The following MON2 variants were observed in gnomAD, a reference collection of about 807,000 sequenced individuals.
MON2 encodes the protein protein MON2 homolog.
Under a neutral mutation model 208.6 loss-of-function variants are expected in MON2, and 84 were observed. The observed-to-expected ratio is 0.40, with a 90% CI of 0.34 to 0.48. The LOEUF (loss-of-function observed/expected upper bound fraction) is 0.48, where lower values mean the gene tolerates loss of function less well. Among genes scored for constraint, MON2 ranks in the 20% least tolerant of loss-of-function variants. The probability of loss-of-function intolerance (pLI) is 0.59; values close to 1 mark genes in which losing one functional copy is unlikely to be tolerated. For synonymous variants in MON2, 660 were observed against 694.0 expected (o/e 0.95, Z 0.77); for missense variants, 1,611 against 2,015.4 (o/e 0.80, Z 3.84).
At chr12:62,552,736 A>G in intron 23 of MON2, 145 bp from the exon 24 acceptor site, 1 of 603,954 alleles carries the variant, frequency 1.7e-6, no homozygotes. Context: ...AGATGTTTTC[A>G]TTGAATCTAT....
chr12:62,523,810 A>G (rs1353952793), intron 8 of MON2, among the ~76,000 whole-genome samples: 2 of 152,180 alleles, frequency 1.3e-5, no homozygotes. Flanking sequence ...TTGTCAATTA[A>G]TAAGTAACAA....
Position 62,535,540 on chromosome 12 carries a change from C to A in MON2, c.1731C>A (p.Ala577=). Residue 577 remains alanine, a synonymous_variant, in exon 14 of 35, where the codon GCC becomes GCA. Coordinates refer to ENST00000393630, the MANE Select transcript of MON2 (RefSeq NM_015026.3). ...LLLDASTDEA[A]TENILKAELT... is the part of the protein sequence containing the mutation. ...TTCTTTTCAGCACAGATGAAGCTGCCACTGAGAATATTTTAAAAGCTGAAC... is the reference window on the plus strand; with the variant it reads ...TTCTTTTCAGCACAGATGAAGCTGCAACTGAGAATATTTTAAAAGCTGAAC... 1 of 1,604,042 alleles carries A rather than the reference C, an allele frequency of 6.2e-7. No individual in the cohort carries two copies. Among genetic ancestry groups the A allele is most frequent in the Non-Finnish European group, 8.5e-7 (1 of 1,176,474 alleles).
chr12:62,469,882 T>TTTTATTTATTTATTTATTTA (rs369624327), intron 1 of MON2, among the ~76,000 whole-genome samples: 1 of 117,802 alleles, frequency 8.5e-6, no homozygotes, highest in African/African-American at 3.0e-5. Flanking sequence ...TTGACTATTA[T>TTTTATTTATTTATTTATTTA]TTTATTTATT....
At position 62,498,902 on chromosome 12, in the gene MON2, G is replaced by C; in HGVS notation, c.436-17G>C. 9 of 1,579,976 alleles carry C rather than the reference G, an allele frequency of 5.7e-6. No homozygotes were observed. The highest frequency in any genetic ancestry group is 7.7e-6 in the Non-Finnish European group (9 of 1,165,390). ...TTTTCAATCTTATTTCACACTAAAT[G>C]AAAATTGTGTTTTCAGGCAATCGTT... On this transcript the variant is annotated splice_polypyrimidine_tract_variant and intron_variant, in intron 4 of 34. Transcript: ENST00000393630.
In MON2 at chr12:62,571,512, T is replaced by G. The variant is rs200313038; in HGVS notation, c.4444T>G (p.Ser1482Ala). 1.9e-5 allele frequency: 30 copies of G among 1,614,122 alleles called. No individual in the cohort carries two copies. The East Asian group carries it at 4.2e-4, about 23-fold the overall frequency. The change falls in exon 30 of 35, where the codon TCT becomes GCT. Residue 1482 changes from serine to alanine, a missense_variant. Transcript: ENST00000393630. ...GCTACCTGTTGCCCGGCAGCATGCTTCTTCTGGAAAATTTGACAGTATGTG... is the reference window on the plus strand; with the variant it reads ...GCTACCTGTTGCCCGGCAGCATGCTGCTTCTGGAAAATTTGACAGTATGTG... ...IGLPVARQHA[S>A]SGKFDSMWPE... is the part of the protein sequence containing the mutation.
Position 62,560,606 on chromosome 12 carries a change from T to C in MON2, c.3525T>C (p.Ile1175=), listed in dbSNP as rs770445155. 6.2e-7 allele frequency: 1 copy of C among 1,614,100 alleles called. No homozygotes were observed. Among genetic ancestry groups the C allele is most frequent in the Non-Finnish European group, 8.5e-7 (1 of 1,180,000 alleles). Residue 1175 remains isoleucine (I), a synonymous_variant, in exon 26 of 35, where the codon ATT becomes ATC. Coordinates refer to ENST00000393630, the MANE Select transcript of MON2 (RefSeq NM_015026.3). ...ALKSFQEILQ[I]VSPVRDSDKP... is the part of the protein sequence containing the mutation. ...AAAGCTTCCAGGAAATTTTACAGAT[T>C]GTGTCCCCTGTCAGAGACTCAGATA...
Position 62,544,625 on chromosome 12 carries a change from T to G in MON2, c.2467-273T>G, listed in dbSNP as rs898738083. On this transcript the variant is annotated intron_variant, in intron 20 of 34. Coordinates refer to ENST00000393630, the MANE Select transcript of MON2 (RefSeq NM_015026.3). ...TTTGATTAATGAGGGTAAACTTAAT[T>G]AAGAACCTTGGTATTAGCTTGCTTC... 18 of 567,144 alleles carry G rather than the reference T, an allele frequency of 3.2e-5. 1 individual carries two copies. Among genetic ancestry groups the G allele is most frequent in the Admixed American group, 2.0e-4 (6 of 29,650 alleles). 35.1% of individuals were successfully genotyped at this position (567,144 alleles called of 1,614,324 possible). A position where few individuals can be genotyped will look rare whatever the true frequency, so the allele number is the denominator to read the frequency against.
rs181555786 is a variant in MON2 at position 62,522,091 on chromosome 12, G to A, written c.985-2424G>A. 2.0e-5 allele frequency among the ~76,000 whole-genome samples: 3 copies of A among 150,656 alleles called. No homozygotes were observed. In the East Asian group the frequency reaches 5.8e-4, roughly 29 times the overall value. On this transcript the variant is annotated intron_variant, in intron 8 of 34. Coordinates refer to ENST00000393630, the MANE Select transcript of MON2 (RefSeq NM_015026.3). ...AATCCCACCTTCTCAGGAGGCTAAG[G>A]CACAAGAATCACTTGAACCCAGGAG...
intron 1 of MON2, among the ~76,000 whole-genome samples, chr12:62,475,837 C>A (rs1202539468): frequency 6.6e-6 from 1 of 151,382 alleles, no homozygotes; most frequent in African/African-American, 2.4e-5. Context: ...TGGTGAAACC[C>A]CATCTCTACT....
intron 12 of MON2, among the ~76,000 whole-genome samples, 160 bp from the exon 13 acceptor site, chr12:62,534,685 C>T (rs1403338920): frequency 2.7e-5 from 4 of 148,404 alleles, no homozygotes; most frequent in Non-Finnish European, 4.5e-5. Flanking sequence ...TCTGAGTTTT[C>T]GTTCTTTTAG....
At chr12:62,592,366 G>T (rs2136521466) in intron 34 of MON2, among the ~76,000 whole-genome samples, 1 of 152,070 alleles carries the variant, frequency 6.6e-6, no homozygotes, top group East Asian at 1.9e-4. Flanking sequence ...CAAATTTATT[G>T]TTACTGATGA....
chr12:62,561,124 T>A lies in MON2; in HGVS notation c.4032+11T>A. 1.3e-6 allele frequency: 2 copies of A among 1,577,100 alleles called. No homozygotes were observed. Among genetic ancestry groups the A allele is most frequent in the African/African-American group, 2.7e-5 (2 of 73,208 alleles). On this transcript the variant is annotated intron_variant, in intron 26 of 34. Coordinates refer to ENST00000393630, the MANE Select transcript of MON2 (RefSeq NM_015026.3). ...GATGTTCTCCAAAAGGTAATATAAT[T>A]TTAGTGGCTAAGTAATACTGCATAT...
intron 4 of MON2, among the ~76,000 whole-genome samples, chr12:62,497,776 C>A (rs1224339041): frequency 6.6e-6 from 1 of 152,074 alleles, no homozygotes; most frequent in Non-Finnish European, 1.5e-5. Context: ...CCACCACACC[C>A]AACTAATTTT....
intron 26 of MON2, among the ~76,000 whole-genome samples, chr12:62,562,158 T>A (rs959854482): frequency 6.6e-6 from 1 of 152,164 alleles, no homozygotes; most frequent in Non-Finnish European, 1.5e-5. Context: ...TGCAAATAAG[T>A]TGCTTATAGA....
intron 34 of MON2, among the ~76,000 whole-genome samples, chr12:62,592,060 A>G (rs1316182791): frequency 6.6e-6 from 1 of 152,204 alleles, no homozygotes; most frequent in Non-Finnish European, 1.5e-5. Context: ...GTCTACATCT[A>G]ATGATATACA....
intron 8 of MON2, among the ~76,000 whole-genome samples, chr12:62,519,400 A>G (rs1337437407): frequency 1.3e-5 from 2 of 152,190 alleles, no homozygotes; most frequent in Non-Finnish European, 1.5e-5. Context: ...TAAATAAATC[A>G]TGTTGAATGC....
At chr12:62,504,557 G>T (rs2071009954) in intron 7 of MON2, among the ~76,000 whole-genome samples, 1 of 152,002 alleles carries the variant, frequency 6.6e-6, no homozygotes, top group Non-Finnish European at 1.5e-5. Flanking sequence ...TGTTTTTATG[G>T]ATTTATTATA....
chr12:62,508,194 G>T, intron 7 of MON2, 92 bp from the exon 8 acceptor site: 2 of 869,148 alleles, frequency 2.3e-6, no homozygotes, highest in Non-Finnish European at 3.6e-6. Context: ...TGGTTATTAA[G>T]AAGTTTTGTT....
At position 62,526,051 on chromosome 12, in the gene MON2, C is replaced by A; in HGVS notation, c.1349C>A (p.Thr450Asn). Residue 450 changes from threonine to asparagine, a missense_variant, in exon 11 of 35, where the codon ACC becomes AAC. Transcript: ENST00000393630. ...TLLPAFEYRG[T>N]WIPILTITVQ... Reference sequence around the variant, plus strand: ...CTACCAGCATTTGAATATAGGGGAACCTGGATACCTATTCTGACAATCACA... The same window carrying A: ...CTACCAGCATTTGAATATAGGGGAAACTGGATACCTATTCTGACAATCACA... The A allele has an allele frequency of 2.5e-6, 4 of 1,613,770 alleles. No homozygotes were observed. Among genetic ancestry groups the A allele is most frequent in the South Asian group, 1.1e-5 (1 of 91,070 alleles).
Sources: gnomAD v4.1 joint callset for allele counts (sites outside exome capture counted in the v4.1 genomes callset) on GRCh38, gnomAD v4.1.1 for gene constraint, MANE v1.5 for transcripts, NCBI Gene and HGNC (gene_info 2026-07-23, HGNC 2026-07-21) for gene names.